ERGIC2: variants seen among roughly 807,000 people sequenced by gnomAD.
ERGIC2 encodes ERGIC and golgi 2, also known as endoplasmic reticulum-Golgi intermediate compartment protein 2.
In ERGIC2, 31 loss-of-function variants were observed where a neutral mutation model predicts 52.5. The observed-to-expected ratio is 0.59, with a 90% CI of 0.44 to 0.80. The LOEUF (loss-of-function observed/expected upper bound fraction) is 0.80. Among genes scored for constraint, ERGIC2 ranks in the 30% least tolerant of loss-of-function variants. The pLI is 0.00. For missense variants in ERGIC2, 395 were observed against 455.2 expected (o/e 0.87, Z 1.20); for synonymous variants, 129 against 140.6 (o/e 0.92, Z 0.58).
At chr12:29,350,465 C>T (rs546743879) in intron 8 of ERGIC2, among the ~76,000 whole-genome samples, 1 of 151,926 alleles carries the variant, frequency 6.6e-6, no homozygotes, top group Non-Finnish European at 1.5e-5. Context: ...GGAATGTTCC[C>T]TATTTTCAAA....
At chr12:29,374,620 T>C (rs1246366215) in intron 1 of ERGIC2, among the ~76,000 whole-genome samples, 2 of 152,206 alleles carry the variant, frequency 1.3e-5, no homozygotes, top group East Asian at 3.8e-4. Context: ...GTAAAAATTG[T>C]TCCTCCTGTA....
chr12:29,343,291 G>A lies in ERGIC2; in HGVS notation c.826-9C>T, dbSNP rs3782511. 0.31 allele frequency: 477,921 copies of A among 1,562,306 alleles called. 74,853 individuals carry two copies. The highest frequency in any genetic ancestry group is 0.36 in the East Asian group (15,705 of 43,870). On this transcript the variant is annotated splice_polypyrimidine_tract_variant and intron_variant, in intron 11 of 13. Transcript: ENST00000360150. ...TGGTTAATGATACGTTCCTAAAAGG[G>A]AGGCAAAAGGAAGGGGAGAAATAGG...
At chr12:29,354,229 G>T (rs1246709630) in intron 8 of ERGIC2, among the ~76,000 whole-genome samples, 1 of 152,168 alleles carries the variant, frequency 6.6e-6, no homozygotes, top group Non-Finnish European at 1.5e-5. Flanking sequence ...GCTATATAAA[G>T]TTGTAGTTTT....
chr12:29,366,252 T>C (rs186108430), intron 5 of ERGIC2, among the ~76,000 whole-genome samples: 95 of 152,122 alleles, frequency 6.2e-4, no homozygotes, highest in African/African-American at 2.2e-3. Context: ...GTTCTGATCA[T>C]GACTCGTTAT....
At chr12:29,373,559 A>G (rs1357635942) in intron 1 of ERGIC2, among the ~76,000 whole-genome samples, 4 of 152,214 alleles carry the variant, frequency 2.6e-5, no homozygotes, top group Non-Finnish European at 5.9e-5. Flanking sequence ...AACTGGCAGT[A>G]AACATGAATA....
At chr12:29,347,446 C>G (rs1940069819) in intron 10 of ERGIC2, among the ~76,000 whole-genome samples, 1 of 152,296 alleles carries the variant, frequency 6.6e-6, no homozygotes, top group South Asian at 2.1e-4. Flanking sequence ...CACTTATTTA[C>G]TTCACTCAAG....
intron 8 of ERGIC2, among the ~76,000 whole-genome samples, chr12:29,351,418 T>C (rs1311202239): frequency 6.6e-6 from 1 of 152,178 alleles, no homozygotes; most frequent in Non-Finnish European, 1.5e-5. Context: ...TATAAAAATA[T>C]TCTTGCCTAT....
At chr12:29,348,550 A>G (rs1430000052) in intron 10 of ERGIC2, among the ~76,000 whole-genome samples, 1 of 151,970 alleles carries the variant, frequency 6.6e-6, no homozygotes, top group Non-Finnish European at 1.5e-5. Context: ...GGTTAAATAG[A>G]ACATTTTAAA....
intron 8 of ERGIC2, 129 bp downstream of exon 8, chr12:29,356,253 C>G: frequency 1.7e-6 from 1 of 571,742 alleles, no homozygotes; most frequent in Non-Finnish European, 3.2e-6. Context: ...GAACTCCTGA[C>G]CTCAGGTGAT....
intron 1 of ERGIC2, among the ~76,000 whole-genome samples, chr12:29,379,033 A>G (rs149590280): frequency 0.011 from 1,629 of 152,268 alleles, 35 homozygotes; most frequent in South Asian, 0.061. Context: ...AGGTTAGTTG[A>G]CAATCTCCTG....
intron 4 of ERGIC2, among the ~76,000 whole-genome samples, chr12:29,367,623 T>TA (rs904763215): frequency 6.6e-6 from 1 of 151,876 alleles, no homozygotes; most frequent in Non-Finnish European, 1.5e-5. Flanking sequence ...TTCATACTTT[T>TA]AAAAATGTAA....
rs1949830640 is a variant in ERGIC2 at position 29,340,626 on chromosome 12, T to C, written c.*530A>G. 1 of 220,904 alleles carries C rather than the reference T, an allele frequency of 4.5e-6. No individual in the cohort carries two copies. The highest frequency in any genetic ancestry group is 2.4e-5 in the African/African-American group (1 of 42,104). 13.7% of individuals were successfully genotyped at this position (220,904 alleles called of 1,614,324 possible). On this transcript the variant is annotated 3_prime_UTR_variant, in exon 14 of 14. Coordinates refer to ENST00000360150, the MANE Select transcript of ERGIC2 (RefSeq NM_016570.3). ...TCTTGTCAATATGGCTTAACATTAA[T>C]ATGGCTATAACATAGGGACTAGCCC...
intron 7 of ERGIC2, 35 bp from the exon 8 acceptor site, chr12:29,356,512 C>T (rs766720902): frequency 8.5e-7 from 1 of 1,171,108 alleles, no homozygotes; most frequent in South Asian, 1.3e-5. Flanking sequence ...AAAGCACATT[C>T]AATACAGTTA....
At chr12:29,365,915 G>A (rs1940355697) in intron 5 of ERGIC2, among the ~76,000 whole-genome samples, 1 of 151,884 alleles carries the variant, frequency 6.6e-6, no homozygotes, top group Non-Finnish European at 1.5e-5. Flanking sequence ...AAAAGTTACT[G>A]TTTCTGTAGA....
intron 11 of ERGIC2, among the ~76,000 whole-genome samples, chr12:29,343,566 T>C (rs1949855000): frequency 6.6e-6 from 1 of 152,194 alleles, no homozygotes; most frequent in African/African-American, 2.4e-5. Context: ...GCTCAAGAGC[T>C]TACAAATATG....
At chr12:29,345,370 T>C in intron 11 of ERGIC2, 73 bp downstream of exon 11, 1 of 831,376 alleles carries the variant, frequency 1.2e-6, no homozygotes. Context: ...CCACCTTATT[T>C]TGTAGCCAGG....
chr12:29,356,176 C>T (rs1283673087), intron 8 of ERGIC2, among the ~76,000 whole-genome samples: 2 of 152,022 alleles, frequency 1.3e-5, no homozygotes, highest in Non-Finnish European at 2.9e-5. Flanking sequence ...TGCCTGCCAC[C>T]ACATCCAGCT....
chr12:29,374,267 CT>C (rs1940484383), intron 1 of ERGIC2, among the ~76,000 whole-genome samples: 1 of 152,198 alleles, frequency 6.6e-6, no homozygotes, highest in Non-Finnish European at 1.5e-5. Flanking sequence ...AGAAAACACA[CT>C]GCTTATCACT....
intron 6 of ERGIC2, among the ~76,000 whole-genome samples, chr12:29,361,295 G>A (rs1350453528): frequency 6.6e-6 from 1 of 151,990 alleles, no homozygotes; most frequent in East Asian, 1.9e-4. Context: ...TACATTCAAA[G>A]CCTTCCTGTG....
Sources: allele counts gnomAD v4.1 joint callset (sites outside exome capture counted in the v4.1 genomes callset), GRCh38; gene constraint gnomAD v4.1.1; transcripts MANE v1.5; gene names NCBI Gene and HGNC (gene_info 2026-07-23, HGNC 2026-07-21).